FAR1: variants seen among roughly 807,000 people sequenced by gnomAD.
FAR1 encodes male sterility domain-containing protein 2.
A neutral mutation model predicts 61.1 loss-of-function variants in FAR1; 22 were observed. The ratio of observed to expected loss-of-function variants is 0.36; its 90% confidence interval spans 0.26 to 0.51. The LOEUF is 0.51. Among genes scored for constraint, FAR1 ranks in the 20% least tolerant of loss-of-function variants. The pLI, the probability that FAR1 is intolerant of heterozygous loss-of-function variation, is 0.95. For synonymous variants in FAR1, 206 were observed against 209.7 expected, an observed-to-expected ratio of 0.98 and a Z score of 0.15; for missense variants, 359 against 626.9, an observed-to-expected ratio of 0.57 and a Z score of 4.56.
At chr11:13,715,069 A>T (rs1848540578) in intron 9 of FAR1, among the ~76,000 whole-genome samples, 1 of 152,186 alleles carries the variant, frequency 6.6e-6, no homozygotes, top group Non-Finnish European at 1.5e-5. Context: ...CTATCGCATC[A>T]TTATCGGAAG....
intron 1 of FAR1, among the ~76,000 whole-genome samples, chr11:13,669,170 G>C (rs1042088985): frequency 6.6e-6 from 1 of 152,216 alleles, no homozygotes; most frequent in African/African-American, 2.4e-5. Context: ...GCTCGCGGGA[G>C]GGTAGCGGCA....
chr11:13,728,054 C>T (rs926482806), intron 11 of FAR1, among the ~76,000 whole-genome samples: 3 of 151,864 alleles, frequency 2.0e-5, no homozygotes, highest in Admixed American at 6.6e-5. Flanking sequence ...ATTTTTCTTA[C>T]ATTGCCGTCC....
chr11:13,678,412 C>G (rs891906810), intron 1 of FAR1, among the ~76,000 whole-genome samples: 18 of 151,966 alleles, frequency 1.2e-4, no homozygotes, highest in African/African-American at 3.4e-4. Context: ...CTACAGATGC[C>G]TGCCACCATG....
At chr11:13,669,621 CGGAGAGTGGAG>C (rs1308514927) in intron 1 of FAR1, 2 of 152,126 alleles carry the variant, frequency 1.3e-5, no homozygotes, top group East Asian at 3.9e-4. Context: ...TCTGCGGTGT[CGGAGAGTGGAG>C]GGTCTCAGGT....
chr11:13,706,228 A>C (rs1011838535), intron 3 of FAR1, among the ~76,000 whole-genome samples: 2 of 152,188 alleles, frequency 1.3e-5, no homozygotes, highest in East Asian at 1.9e-4. Flanking sequence ...TCATGTTGAC[A>C]TACCACAGTT....
At chr11:13,724,102 A>T (rs1220442927) in intron 10 of FAR1, among the ~76,000 whole-genome samples, 1 of 152,060 alleles carries the variant, frequency 6.6e-6, no homozygotes, top group Non-Finnish European at 1.5e-5. Context: ...AATTTTTTTG[A>T]AGCCGGGATT....
At chr11:13,681,343 C>G (rs922845307) in intron 1 of FAR1, among the ~76,000 whole-genome samples, 2 of 152,180 alleles carry the variant, frequency 1.3e-5, no homozygotes, top group Non-Finnish European at 2.9e-5. Flanking sequence ...CAGGCAGTTA[C>G]TTGATGCTGT....
In FAR1 at chr11:13,674,342, A is replaced by G. The variant is rs140486636; in HGVS notation, c.-8+5536A>G. Among the ~76,000 whole-genome samples the G allele has an allele frequency of 5.1e-3, 774 of 152,178 alleles. 11 individuals carry two copies. Among genetic ancestry groups the G allele is most frequent in the African/African-American group, 0.018 (733 of 41,520 alleles). On this transcript the variant is annotated intron_variant, in intron 1 of 11. Coordinates refer to ENST00000354817, the MANE Select transcript of FAR1 (RefSeq NM_032228.6). ...AAAAAAAAGAAAAAAAGAAAATTCA[A>G]ATTGAACTGTGAATCAGCAGATCTG...
At chr11:13,687,949 T>A in intron 1 of FAR1, among the ~76,000 whole-genome samples, 1 of 47,834 alleles carries the variant, frequency 2.1e-5, no homozygotes, top group South Asian at 8.6e-4. Flanking sequence ...GGGACTGTTG[T>A]GGGGTGGGGG....
chr11:13,708,432 T>TGTGC (rs1357269987), intron 4 of FAR1, among the ~76,000 whole-genome samples: 1 of 121,838 alleles, frequency 8.2e-6, no homozygotes, highest in African/African-American at 3.1e-5. Context: ...CCCATATACA[T>TGTGC]GTGCGCGCGC....
At chr11:13,718,097 A>G (rs1848574105) in intron 9 of FAR1, among the ~76,000 whole-genome samples, 1 of 152,158 alleles carries the variant, frequency 6.6e-6, no homozygotes, top group African/African-American at 2.4e-5. Context: ...TGCCTCTTAG[A>G]TCCTGCCTTT....
At chr11:13,716,684 G>A (rs10766105) in intron 9 of FAR1, among the ~76,000 whole-genome samples, 148,309 of 152,324 alleles carry the variant, frequency 0.97, 72,330 homozygotes, top group East Asian at 1. Context: ...AGCTACCCAT[G>A]GAAGTCATGC....
chr11:13,707,897 C>A lies in FAR1; in HGVS notation c.366-3C>A. 6.6e-7 allele frequency: 1 copy of A among 1,508,550 alleles called. No homozygotes were observed. The highest frequency in any genetic ancestry group is 8.9e-7 in the Non-Finnish European group (1 of 1,126,204). The allele number at this position is 1,508,550 out of a possible 1,614,324, so 93.4% of individuals were successfully genotyped here. ...TCTATTGTCACTTTTTCTTTTTAAA[C>A]AGAGATGCTGTTCAGTTAAATGTGA... On this transcript the variant is annotated splice_region_variant and splice_polypyrimidine_tract_variant and intron_variant, in intron 3 of 11. Transcript: ENST00000354817.
intron 3 of FAR1, among the ~76,000 whole-genome samples, chr11:13,707,648 A>G (rs762369659): frequency 6.6e-6 from 1 of 152,190 alleles, no homozygotes; most frequent in Non-Finnish European, 1.5e-5. Context: ...TTCCTGGACA[A>G]TTATATAATT....
chr11:13,714,631 C>T lies in FAR1; in HGVS notation c.1078C>T (p.Pro360Ser), dbSNP rs1848535974. 1 of 1,613,156 alleles carries T rather than the reference C, an allele frequency of 6.2e-7. No homozygotes were observed. Among genetic ancestry groups the T allele is most frequent in the East Asian group, 2.2e-5 (1 of 44,822 alleles). The change falls in exon 9 of 12, where the codon CCA becomes TCA. Residue 360 changes from proline to serine, a missense_variant. Physicochemically the swap from Pro to Ser is moderately conservative, Grantham distance 74 (BLOSUM62 -1). Transcript: ENST00000354817. ...HYWIAVSHKAPAFLYDIYLRM... is the reference protein window; with the variant it reads ...HYWIAVSHKASAFLYDIYLRM... ...CTGGATTGCTGTAAGCCATAAGGCC[C>T]CAGCATTCCTGTATGATATCTACCT...
At chr11:13,726,380 CA>C (rs1420156423) in intron 10 of FAR1, among the ~76,000 whole-genome samples, 1 of 152,036 alleles carries the variant, frequency 6.6e-6, no homozygotes, top group Non-Finnish European at 1.5e-5. Flanking sequence ...CTGCTGATGT[CA>C]GATTGTCTCA....
intron 3 of FAR1, among the ~76,000 whole-genome samples, chr11:13,701,401 TTATGA>T (rs1338391615): frequency 2.0e-5 from 3 of 152,088 alleles, no homozygotes; most frequent in South Asian, 2.1e-4. Flanking sequence ...ATATGTACAG[TTATGA>T]TATGTCAATT....
chr11:13,694,375 A>C (rs902944277), intron 1 of FAR1, among the ~76,000 whole-genome samples: 1 of 152,212 alleles, frequency 6.6e-6, no homozygotes, highest in Non-Finnish European at 1.5e-5. Context: ...ATTTGGTGTT[A>C]TAAATCCCTT....
In FAR1 at chr11:13,731,776, G is replaced by T. The variant is rs371745918; in HGVS notation, c.*3002G>T. On this transcript the variant is annotated 3_prime_UTR_variant, in exon 12 of 12. Coordinates refer to ENST00000354817, the MANE Select transcript of FAR1 (RefSeq NM_032228.6). ...AAAGAGTAACCAAGATACCTCCAGG[G>T]TGTCATTGGGTTCCAGCTGCTCTCC... 1 of 152,140 alleles carries T rather than the reference G, an allele frequency of 6.6e-6. No individual in the cohort carries two copies. Among genetic ancestry groups the T allele is most frequent in the African/African-American group, 2.4e-5 (1 of 41,432 alleles). The allele number at this position is 152,140 out of a possible 1,614,324, so 9.4% of individuals were successfully genotyped here.
Sources: allele counts gnomAD v4.1 joint callset (sites outside exome capture counted in the v4.1 genomes callset), GRCh38; gene constraint gnomAD v4.1.1; transcripts MANE v1.5; gene names NCBI Gene and HGNC (gene_info 2026-07-23, HGNC 2026-07-21).